THSD7B: variants seen among roughly 807,000 people sequenced by gnomAD.
THSD7B encodes thrombospondin type 1 domain containing 7B, also known as thrombospondin type-1 domain-containing protein 7B.
Under a neutral mutation model 213.6 loss-of-function variants are expected in THSD7B, and 138 were observed. The observed-to-expected ratio is 0.65, with a 90% CI of 0.56 to 0.74. The LOEUF is 0.74. Ranked by LOEUF, THSD7B falls within the 30% of genes least tolerant of loss-of-function variation. THSD7B has a pLI of 0.00. For missense variants in THSD7B, 1,931 were observed against 1,991.5 expected (o/e 0.97, Z 0.58); for synonymous variants, 742 against 687.0 (o/e 1.08, Z -1.25).
At chr2:137,208,477 C>T (rs1014259644) in intron 7 of THSD7B, among the ~76,000 whole-genome samples, 37 of 152,044 alleles carry the variant, frequency 2.4e-4, no homozygotes, top group Admixed American at 1.4e-3. Context: ...GAAAGGCCTA[C>T]GCAAAACCCT....
intron 12 of THSD7B, among the ~76,000 whole-genome samples, chr2:137,400,572 C>A (rs80290881): frequency 6.6e-6 from 1 of 152,094 alleles, no homozygotes; most frequent in East Asian, 1.9e-4. Flanking sequence ...GGCTGATGAC[C>A]TCTTGGGCAG....
chr2:137,267,258 A>T (rs1682610979), intron 10 of THSD7B, among the ~76,000 whole-genome samples: 1 of 152,232 alleles, frequency 6.6e-6, no homozygotes, highest in Non-Finnish European at 1.5e-5. Flanking sequence ...ACTGAATTTA[A>T]ACTAGTTATT....
chr2:137,639,073 T>G (rs1194162610), intron 20 of THSD7B, among the ~76,000 whole-genome samples: 1 of 151,656 alleles, frequency 6.6e-6, no homozygotes, highest in Non-Finnish European at 1.5e-5. Context: ...TAGCAAGGAC[T>G]CTAATGCTAA....
intron 2 of THSD7B, among the ~76,000 whole-genome samples, chr2:137,051,791 TG>T (rs775917024): frequency 1.2e-4 from 18 of 152,184 alleles, no homozygotes; most frequent in Non-Finnish European, 2.5e-4. Flanking sequence ...TGACCAGTAC[TG>T]TGCAAGAGCT....
Position 137,625,129 on chromosome 2 carries a change from G to A in THSD7B, c.3799+4403G>A, listed in dbSNP as rs537174042. Among the ~76,000 whole-genome samples, 62 of 152,160 alleles carry A rather than the reference G, an allele frequency of 4.1e-4. 2 individuals are homozygous for A. The highest frequency in any genetic ancestry group is 3.9e-3 in the Admixed American group (59 of 15,286). On this transcript the variant is annotated intron_variant, in intron 20 of 27. Coordinates refer to ENST00000409968, the MANE Select transcript of THSD7B (RefSeq NM_001316349.2). ...AGAAAATGTGGCACATATACACCATGGAATACTATGCAGCCATAAAAAATG... is the reference window on the plus strand; with the variant it reads ...AGAAAATGTGGCACATATACACCATAGAATACTATGCAGCCATAAAAAATG...
At chr2:137,548,990 C>T (rs911417528) in intron 15 of THSD7B, among the ~76,000 whole-genome samples, 22 of 152,002 alleles carry the variant, frequency 1.4e-4, no homozygotes, top group African/African-American at 5.3e-4. Context: ...GCATGAAGTT[C>T]TTAACCACTG....
At chr2:137,173,284 C>T (rs1680298876) in intron 7 of THSD7B, among the ~76,000 whole-genome samples, 1 of 152,142 alleles carries the variant, frequency 6.6e-6, no homozygotes, top group South Asian at 2.1e-4. Context: ...ATTCGAATAG[C>T]CATAACTAAT....
intron 12 of THSD7B, among the ~76,000 whole-genome samples, chr2:137,386,849 G>C (rs1428972454): frequency 6.6e-6 from 1 of 152,128 alleles, no homozygotes; most frequent in Admixed American, 6.5e-5. Flanking sequence ...AAGCTTAAGA[G>C]GGCTGCCTGA....
At chr2:137,308,666 G>GA (rs1473947255) in intron 12 of THSD7B, among the ~76,000 whole-genome samples, 2 of 151,508 alleles carry the variant, frequency 1.3e-5, no homozygotes, top group African/African-American at 2.4e-5. Context: ...ATATGTTTTT[G>GA]AAAAAAATCC....
intron 12 of THSD7B, among the ~76,000 whole-genome samples, chr2:137,371,959 A>G (rs77603314): frequency 0.03 from 4,519 of 152,202 alleles, 230 homozygotes; most frequent in African/African-American, 0.1. Context: ...TGTATTTATG[A>G]CAGACATTGT....
At chr2:137,310,698 G>T (rs1005598230) in intron 12 of THSD7B, among the ~76,000 whole-genome samples, 10 of 152,088 alleles carry the variant, frequency 6.6e-5, no homozygotes, top group African/African-American at 2.2e-4. Flanking sequence ...ATAAGGAAGG[G>T]ATCCAGTTTC....
intron 15 of THSD7B, among the ~76,000 whole-genome samples, chr2:137,529,077 T>C (rs567835437): frequency 6.6e-6 from 1 of 152,252 alleles, no homozygotes; most frequent in African/African-American, 2.4e-5. Context: ...GATAGGGAGA[T>C]ATTAAATCTT....
chr2:137,288,957 C>A (rs1683251798), intron 12 of THSD7B, among the ~76,000 whole-genome samples: 1 of 152,026 alleles, frequency 6.6e-6, no homozygotes, highest in Admixed American at 6.6e-5. Flanking sequence ...TGACTCAAAT[C>A]ATAGTTGTTC....
intron 15 of THSD7B, among the ~76,000 whole-genome samples, chr2:137,493,954 CT>C (rs1318263271): frequency 6.6e-6 from 1 of 152,124 alleles, no homozygotes; most frequent in African/African-American, 2.4e-5. Context: ...ATGAAATCAG[CT>C]GCTTCATAAT....
chr2:137,464,035 G>C (rs912885068), intron 15 of THSD7B, among the ~76,000 whole-genome samples: 3 of 152,020 alleles, frequency 2.0e-5, no homozygotes, highest in Admixed American at 1.3e-4. Context: ...TGGCTCCTAT[G>C]GTTAGGAGGT....
intron 2 of THSD7B, among the ~76,000 whole-genome samples, chr2:137,007,342 A>G (rs545185591): frequency 1.3e-5 from 2 of 152,182 alleles, no homozygotes; most frequent in African/African-American, 4.8e-5. Context: ...AATTATCCAC[A>G]GGGATGTTTA....
At chr2:136,802,637 G>GTTTA (rs1298040022) in intron 1 of THSD7B, among the ~76,000 whole-genome samples, 2 of 39,026 alleles carry the variant, frequency 5.1e-5, no homozygotes, top group East Asian at 1.8e-3. Flanking sequence ...TATGAATTAA[G>GTTTA]TTTATATATA....
intron 8 of THSD7B, 110 bp downstream of exon 8, chr2:137,231,345 T>C (rs1681636130): frequency 9.5e-7 from 1 of 1,047,434 alleles, no homozygotes; most frequent in Non-Finnish European, 1.4e-6. Flanking sequence ...ACATAGACGA[T>C]ATCTCTATTC....
intron 17 of THSD7B, among the ~76,000 whole-genome samples, chr2:137,602,613 C>G (rs1016980730): frequency 6.6e-6 from 1 of 152,086 alleles, no homozygotes; most frequent in Non-Finnish European, 1.5e-5. Context: ...TATCAAGATG[C>G]CAGCATCTGG....
Sources: gnomAD v4.1 joint callset for allele counts (sites outside exome capture counted in the v4.1 genomes callset) on GRCh38, gnomAD v4.1.1 for gene constraint, MANE v1.5 for transcripts, NCBI Gene and HGNC (gene_info 2026-07-23, HGNC 2026-07-21) for gene names.